The following SNTN variants were observed in gnomAD, a reference collection of about 807,000 sequenced individuals.
The protein encoded by SNTN is sentan.
Under a neutral mutation model 12.3 loss-of-function variants are expected in SNTN, and 13 were observed. The observed-to-expected ratio is 1.05, with a 90% CI of 0.69 to 1.67. The LOEUF is 1.67. Among genes scored for constraint, SNTN ranks in the 40% most tolerant of loss-of-function variants. The pLI is 0.00. For synonymous variants in SNTN, 69 were observed against 58.5 expected (o/e 1.18, Z -0.82); for missense variants, 189 against 169.8 (o/e 1.11, Z -0.63).
intron 1 of SNTN, among the ~76,000 whole-genome samples, chr3:63,653,739 T>C (rs1700646191): frequency 6.6e-6 from 1 of 152,232 alleles, no homozygotes; most frequent in Non-Finnish European, 1.5e-5. Context: ...ATTTGGCCCC[T>C]TTTCTATCTA....
rs548059420 is a variant in SNTN at position 63,662,067 on chromosome 3, GTAATC to G, written c.286-1868_286-1864del. On this transcript the variant is annotated intron_variant, in intron 3 of 3. Transcript: ENST00000343837. ...GCAGCAGGCACACCCAGGCCTCAGT[GTAATC>G]TTGCCCTCTGCTCAAGATGAAAGCA... 1.1e-3 allele frequency among the ~76,000 whole-genome samples: 172 copies of G among 152,248 alleles called. No homozygotes were observed. In the South Asian group the frequency reaches 0.013, roughly 12 times the overall value.
chr3:63,658,312 C>T (rs72876616), intron 2 of SNTN, among the ~76,000 whole-genome samples: 2,811 of 151,568 alleles, frequency 0.019, 89 homozygotes, highest in African/African-American at 0.063. Flanking sequence ...CCTTCCAGAC[C>T]ACCCATCTAA....
intron 1 of SNTN, 108 bp from the exon 2 acceptor site, chr3:63,654,654 T>C: frequency 3.1e-6 from 3 of 961,830 alleles, no homozygotes; most frequent in Middle Eastern, 2.3e-4. Context: ...TCTCAGAGAA[T>C]GTTTACCAAA....
chr3:63,664,020 C>T lies in SNTN; in HGVS notation c.369C>T (p.Phe123=). Residue 123 remains phenylalanine (F), a synonymous_variant, in exon 4 of 4, where the codon TTC becomes TTT. Transcript: ENST00000343837. ...HTENKLDFED[F]MILLLSITVM... is the part of the protein sequence containing the mutation. ...AAAATAAGCTAGATTTTGAAGACTT[C>T]ATGATCTTGCTCTTAAGCATCACTG... The T allele has an allele frequency of 6.2e-7, 1 of 1,613,940 alleles. No individual in the cohort carries two copies. Among genetic ancestry groups the T allele is most frequent in the East Asian group, 2.2e-5 (1 of 44,850 alleles).
At chr3:63,653,718 T>C (rs1488528723) in intron 1 of SNTN, among the ~76,000 whole-genome samples, 2 of 152,208 alleles carry the variant, frequency 1.3e-5, no homozygotes, top group African/African-American at 2.4e-5. Flanking sequence ...AGATACAACT[T>C]CCTGCCTCCA....
rs1700719815 is a variant in SNTN, at chr3:63,659,696, T to C, written c.146-29T>C. The C allele has an allele frequency of 3.7e-6, 6 of 1,613,054 alleles. No homozygotes were observed. In the East Asian group the frequency reaches 1.3e-4, roughly 36 times the overall value. On this transcript the variant is annotated intron_variant, in intron 2 of 3. Coordinates refer to ENST00000343837, the MANE Select transcript of SNTN (RefSeq NM_001080537.2). ...GGGAAGGGTTATTTCTAACTCAGGA[T>C]ACTTTATTCCACATTTCTTCTCTCC...
intron 2 of SNTN, among the ~76,000 whole-genome samples, chr3:63,656,196 C>T (rs368861152): frequency 6.6e-6 from 1 of 152,058 alleles, no homozygotes; most frequent in South Asian, 2.1e-4. Flanking sequence ...TGACAGTGAA[C>T]GAATTAGGAG....
At chr3:63,663,210 T>C (rs538613417) in intron 3 of SNTN, among the ~76,000 whole-genome samples, 7 of 152,166 alleles carry the variant, frequency 4.6e-5, no homozygotes, top group Admixed American at 1.3e-4. Flanking sequence ...AAGAGGTAGA[T>C]GGGCTACAAA....
intron 2 of SNTN, among the ~76,000 whole-genome samples, chr3:63,658,401 A>AATATATATATATATATATAT (rs58847521): frequency 1.6e-5 from 2 of 123,142 alleles, no homozygotes; most frequent in African/African-American, 2.7e-5. Flanking sequence ...ACAAGTTGTA[A>AATATATATATATATATATAT]ATATATATAT....
intron 2 of SNTN, among the ~76,000 whole-genome samples, chr3:63,656,197 G>A (rs902859841): frequency 5.3e-5 from 8 of 152,136 alleles, no homozygotes; most frequent in Non-Finnish European, 1.0e-4. Flanking sequence ...GACAGTGAAC[G>A]AATTAGGAGA....
At chr3:63,661,853 C>T (rs1409501125) in intron 3 of SNTN, among the ~76,000 whole-genome samples, 1 of 152,146 alleles carries the variant, frequency 6.6e-6, no homozygotes, top group Non-Finnish European at 1.5e-5. Flanking sequence ...CTGGCAAATG[C>T]TCAGCAAGCT....
At chr3:63,658,723 T>C (rs549836069) in intron 2 of SNTN, among the ~76,000 whole-genome samples, 1 of 152,238 alleles carries the variant, frequency 6.6e-6, no homozygotes, top group Admixed American at 6.5e-5. Context: ...TCTTGTCCGC[T>C]CTGTATTCTG....
At chr3:63,661,364 C>G (rs1462470750) in intron 3 of SNTN, among the ~76,000 whole-genome samples, 1 of 152,142 alleles carries the variant, frequency 6.6e-6, no homozygotes, top group Non-Finnish European at 1.5e-5. Flanking sequence ...ATATTATTCT[C>G]TCTATATATG....
chr3:63,658,409 T>TATAC (rs149752523), intron 2 of SNTN, among the ~76,000 whole-genome samples: 32,754 of 108,120 alleles, frequency 0.3, 4,168 homozygotes, highest in East Asian at 0.55. Flanking sequence ...TAAATATATA[T>TATAC]ATATATATAT....
At chr3:63,654,168 G>T (rs1348940729) in intron 1 of SNTN, among the ~76,000 whole-genome samples, 1 of 152,122 alleles carries the variant, frequency 6.6e-6, no homozygotes, top group East Asian at 1.9e-4. Flanking sequence ...GCCCCAAGAG[G>T]GTAGGAATGT....
chr3:63,663,569 C>A, intron 3 of SNTN: 1 of 200,612 alleles, frequency 5.0e-6, no homozygotes, highest in Non-Finnish European at 1.0e-5. Flanking sequence ...AATGAATGCC[C>A]TGCCTTGGGG....
At chr3:63,655,968 G>C (rs71298671) in intron 2 of SNTN, among the ~76,000 whole-genome samples, 19,645 of 152,154 alleles carry the variant, frequency 0.13, 1,358 homozygotes, top group Non-Finnish European at 0.14. Context: ...AATTTGAGAA[G>C]CACTGGGAAA....
intron 3 of SNTN, among the ~76,000 whole-genome samples, chr3:63,660,299 G>A (rs563263502): frequency 1.0e-3 from 152 of 152,198 alleles, no homozygotes; most frequent in Middle Eastern, 3.4e-3. Flanking sequence ...ACGGTAGCTG[G>A]GAAGTGGTTA....
chr3:63,653,469 G>A (rs1015610250), intron 1 of SNTN, among the ~76,000 whole-genome samples: 1 of 151,976 alleles, frequency 6.6e-6, no homozygotes, highest in African/African-American at 2.4e-5. Context: ...CGAAGGGTTC[G>A]AGATAACACA....
Sources: gnomAD v4.1 joint callset for allele counts (sites outside exome capture counted in the v4.1 genomes callset) on GRCh38, gnomAD v4.1.1 for gene constraint, MANE v1.5 for transcripts, NCBI Gene and HGNC (gene_info 2026-07-23, HGNC 2026-07-21) for gene names.